ANKRD36B: variants seen among roughly 807,000 people sequenced by gnomAD.
ANKRD36B encodes ankyrin repeat domain-containing protein 36B.
Under a neutral mutation model 135.7 loss-of-function variants are expected in ANKRD36B, and 37 were observed. That is an observed-to-expected ratio of 0.27 (90% CI 0.21 to 0.36). The LOEUF (loss-of-function observed/expected upper bound fraction) is 0.36, where lower values mean the gene tolerates loss of function less well. ANKRD36B is among the 10% of genes least tolerant of loss of function. The pLI is 1.00. For synonymous variants in ANKRD36B, 179 were observed against 348.1 expected, an observed-to-expected ratio of 0.51 and a Z score of 5.41; for missense variants, 549 against 1,037.1, an observed-to-expected ratio of 0.53 and a Z score of 6.46.
At chr2:97,551,206 G>A (rs992070899) in intron 18 of ANKRD36B, 83 bp downstream of exon 18, 100 of 1,505,484 alleles carry the variant, frequency 6.6e-5, no homozygotes, top group Admixed American at 1.2e-4. Context: ...GTGCAGCTTC[G>A]ACCAGCCCCC....
In ANKRD36B at chr2:97,555,223, T is replaced by C. The variant is rs770048331; in HGVS notation, c.1098+3A>G. On this transcript the variant is annotated splice_donor_region_variant and intron_variant, in intron 13 of 43. Coordinates refer to ENST00000359901, the MANE Select transcript of ANKRD36B (RefSeq NM_001393939.1). The stretch of plus-strand genomic sequence containing the variant: ...TACAAAATATAAATGAGAATTTAAT[T>C]ACCTTTGAGGCTGGTTGTTTCTGAG... The C allele has an allele frequency of 7.4e-6, 12 of 1,611,340 alleles. No individual in the cohort carries two copies. The East Asian group carries it at 2.5e-4, about 33-fold the overall frequency.
chr2:97,557,832 T>C (rs775979269), intron 10 of ANKRD36B, among the ~76,000 whole-genome samples: 116 of 151,810 alleles, frequency 7.6e-4, no homozygotes, highest in Non-Finnish European at 1.2e-3. Context: ...AAAAGTATAA[T>C]AAATGATCAA....
intron 14 of ANKRD36B, among the ~76,000 whole-genome samples, chr2:97,554,127 G>T (rs1308216600): frequency 6.6e-6 from 1 of 151,754 alleles, no homozygotes; most frequent in Non-Finnish European, 1.5e-5. Flanking sequence ...AAAAGCATTG[G>T]ATATTAATAA....
chr2:97,557,623 C>T (rs1431278001), intron 10 of ANKRD36B, among the ~76,000 whole-genome samples: 4 of 151,896 alleles, frequency 2.6e-5, no homozygotes, highest in South Asian at 4.1e-4. Context: ...GTAGAATGTA[C>T]ACTTCACAAG....
In ANKRD36B at chr2:97,555,296, T is replaced by C. The variant is rs1398246748; in HGVS notation, c.1070-42A>G. On this transcript the variant is annotated intron_variant, in intron 12 of 43. Coordinates refer to ENST00000359901, the MANE Select transcript of ANKRD36B (RefSeq NM_001393939.1). ...ATACATAATCACTCATATGTAAATA[T>C]GATAAAGTTATCCATACATTCATGA... 4.4e-6 allele frequency: 7 copies of C among 1,607,686 alleles called. No homozygotes were observed. The African/African-American group carries it at 5.4e-5, about 12-fold the overall frequency.
In ANKRD36B at chr2:97,547,796, C is replaced by T. The variant is rs575934894; in HGVS notation, c.1478-65G>A. On this transcript the variant is annotated intron_variant, in intron 20 of 43. Transcript: ENST00000359901. ...AATGACAAAATTATCCACACATTCA[C>T]GCAGTGTTAGCATCAACCTCTGTCT... is the stretch of plus-strand genomic sequence containing the variant. 9.4e-5 allele frequency: 144 copies of T among 1,529,656 alleles called. 1 individual carries two copies. Among genetic ancestry groups the T allele is most frequent in the African/African-American group, 4.5e-4 (33 of 72,568 alleles). 94.8% of individuals were successfully genotyped at this position (1,529,656 alleles called of 1,614,324 possible).
In ANKRD36B at chr2:97,514,622, T is replaced by C. The variant is rs2077723517; in HGVS notation, c.2621+1110A>G. Among the ~76,000 whole-genome samples the C allele has an allele frequency of 2.3e-5, 2 of 88,350 alleles. 1 individual carries two copies. Among genetic ancestry groups the C allele is most frequent in the Admixed American group, 1.9e-4 (2 of 10,384 alleles). The allele number at this position is 88,350 out of a possible 152,430, so 58.0% of individuals were successfully genotyped here. ...CAGATTACTGTAATCCAAGACTAGG[T>C]TAAGAATGTAATATGTTACCCTACA... On this transcript the variant is annotated intron_variant, in intron 37 of 43. Coordinates refer to ENST00000359901, the MANE Select transcript of ANKRD36B (RefSeq NM_001393939.1).
chr2:97,566,482 T>G (rs2081440164), intron 6 of ANKRD36B, among the ~76,000 whole-genome samples: 2 of 152,194 alleles, frequency 1.3e-5, no homozygotes, highest in Non-Finnish European at 2.9e-5. Context: ...TTATACTATT[T>G]GTAGGCAACT....
intron 14 of ANKRD36B, among the ~76,000 whole-genome samples, chr2:97,554,703 A>T (rs183228904): frequency 6.6e-6 from 1 of 151,936 alleles, no homozygotes; most frequent in African/African-American, 2.4e-5. Flanking sequence ...TTTTATCAAT[A>T]CGATGTGACG....
intron 6 of ANKRD36B, among the ~76,000 whole-genome samples, chr2:97,569,912 A>G (rs985561533): frequency 6.6e-6 from 1 of 152,166 alleles, no homozygotes; most frequent in Non-Finnish European, 1.5e-5. Flanking sequence ...CAAGAAAATA[A>G]CTGATAAATG....
intron 14 of ANKRD36B, among the ~76,000 whole-genome samples, chr2:97,553,618 T>C (rs2080250227): frequency 6.6e-6 from 1 of 151,762 alleles, no homozygotes; most frequent in Non-Finnish European, 1.5e-5. Flanking sequence ...AAAAGAAAAA[T>C]AAATCAGTGT....
intron 6 of ANKRD36B, among the ~76,000 whole-genome samples, chr2:97,573,890 A>G (rs905182969): frequency 6.6e-6 from 1 of 152,242 alleles, no homozygotes; most frequent in Non-Finnish European, 1.5e-5. Flanking sequence ...AATTAATTCA[A>G]GATGGATTAA....
At chr2:97,519,924 G>A (rs2077912475) in intron 36 of ANKRD36B, among the ~76,000 whole-genome samples, 1 of 84,918 alleles carries the variant, frequency 1.2e-5, no homozygotes, top group Non-Finnish European at 3.1e-5. Flanking sequence ...AAGGATACTG[G>A]TAATGAAGGA....
At chr2:97,563,349 A>G (rs1272482747) in intron 6 of ANKRD36B, among the ~76,000 whole-genome samples, 1 of 152,004 alleles carries the variant, frequency 6.6e-6, no homozygotes, top group Non-Finnish European at 1.5e-5. Flanking sequence ...AAAGTACGTT[A>G]GACAGGAAAT....
intron 20 of ANKRD36B, among the ~76,000 whole-genome samples, chr2:97,548,491 A>C (rs1311819873): frequency 6.6e-6 from 1 of 151,964 alleles, no homozygotes; most frequent in Non-Finnish European, 1.5e-5. Flanking sequence ...GATACTGATC[A>C]GTTTCTCTTT....
chr2:97,555,830 C>A lies in ANKRD36B; in HGVS notation c.1070-576G>T, dbSNP rs1330124649. ...AGATAGTATTCATTATTTATAATAC[C>A]CATGTGGTGTAATAATCTGCCTACA... On this transcript the variant is annotated intron_variant, in intron 12 of 43. Transcript: ENST00000359901. Among the ~76,000 whole-genome samples the A allele has an allele frequency of 6.6e-5, 10 of 151,806 alleles. No individual in the cohort carries two copies. The East Asian group carries it at 9.7e-4, about 15-fold the overall frequency.
chr2:97,574,989 CCACATTACA>C (rs1358846875), intron 6 of ANKRD36B, among the ~76,000 whole-genome samples: 1 of 151,958 alleles, frequency 6.6e-6, no homozygotes, highest in Non-Finnish European at 1.5e-5. Flanking sequence ...CATCAATAGC[CCACATTACA>C]CCTCAAAAAT....
At chr2:97,565,447 G>A (rs1480299334) in intron 6 of ANKRD36B, among the ~76,000 whole-genome samples, 1 of 151,962 alleles carries the variant, frequency 6.6e-6, no homozygotes, top group Admixed American at 6.6e-5. Flanking sequence ...TTTGCAATCT[G>A]TCCACCTGAA....
At position 97,539,021 on chromosome 2, in the gene ANKRD36B, A is replaced by G. The variant is rs2079024093; in HGVS notation, c.1988-658T>C. 2.1e-5 allele frequency among the ~76,000 whole-genome samples: 2 copies of G among 96,816 alleles called. 1 individual carries two copies. Among genetic ancestry groups the G allele is most frequent in the South Asian group, 4.6e-4 (2 of 4,310 alleles). 63.5% of individuals were successfully genotyped at this position (96,816 alleles called of 152,430 possible). ...CTACAGAAAGGTTCTTCATCCACTCATGGCAACAAAGTATAATATATAAAC... is the reference window on the plus strand; with the variant it reads ...CTACAGAAAGGTTCTTCATCCACTCGTGGCAACAAAGTATAATATATAAAC... On this transcript the variant is annotated intron_variant, in intron 30 of 43. Coordinates refer to ENST00000359901, the MANE Select transcript of ANKRD36B (RefSeq NM_001393939.1).
Sources: allele counts gnomAD v4.1 joint callset (sites outside exome capture counted in the v4.1 genomes callset), GRCh38; gene constraint gnomAD v4.1.1; transcripts MANE v1.5; gene names NCBI Gene and HGNC (gene_info 2026-07-23, HGNC 2026-07-21).